Variants in PRKCA observed in about 807,000 individuals in gnomAD.
The protein encoded by PRKCA is protein kinase C alpha type.
Under a neutral mutation model 87.0 loss-of-function variants are expected in PRKCA, and 27 were observed. The observed-to-expected ratio is 0.31, with a 90% CI of 0.23 to 0.43. The LOEUF (loss-of-function observed/expected upper bound fraction) is 0.43. Ranked by LOEUF, PRKCA falls within the 20% of genes least tolerant of loss-of-function variation. PRKCA has a pLI of 1.00. For missense variants in PRKCA, 518 were observed against 852.3 expected, an observed-to-expected ratio of 0.61 and a Z score of 4.88; for synonymous variants, 329 against 311.1, an observed-to-expected ratio of 1.06 and a Z score of -0.61.
chr17:66,689,262 T>A lies in PRKCA; in HGVS notation c.918+215T>A, dbSNP rs1972715024. ...CTCTTACCACTTAGAAAATGGAAACTGGAAATATCGCAGAACTGAGAGCAT... is the reference window on the plus strand; with the variant it reads ...CTCTTACCACTTAGAAAATGGAAACAGGAAATATCGCAGAACTGAGAGCAT... On this transcript the variant is annotated intron_variant, in intron 8 of 16. Coordinates refer to ENST00000413366, the MANE Select transcript of PRKCA (RefSeq NM_002737.3). The surrounding 1 kb of genome is among the most constrained non-coding windows in gnomAD (Gnocchi z 4.1). 6.6e-6 allele frequency among the ~76,000 whole-genome samples: 1 copy of A among 152,188 alleles called. No individual in the cohort carries two copies. The highest frequency in any genetic ancestry group is 2.4e-5 in the African/African-American group (1 of 41,448).
At chr17:66,789,501 T>G (rs1372770658) in intron 16 of PRKCA, among the ~76,000 whole-genome samples, 2 of 152,188 alleles carry the variant, frequency 1.3e-5, no homozygotes, top group Non-Finnish European at 2.9e-5. Context: ...AGCCACCAAT[T>G]CTAATGTTGT....
At position 66,742,703 on chromosome 17, in the gene PRKCA, G is replaced by A. The variant is rs1377657903; in HGVS notation, c.1467G>A (p.Met489Ile). The change falls in exon 13 of 17, where the codon ATG becomes ATA. Residue 489 changes from methionine to isoleucine, a missense_variant. Physicochemically the swap from Met to Ile is conservative, Grantham distance 10. Transcript: ENST00000413366. ...ACTTTGGGATGTGCAAGGAACACAT[G>A]ATGGATGGAGTCACGACCAGGACCT... is the stretch of plus-strand genomic sequence containing the variant. Reference protein sequence around the residue: ...IADFGMCKEHMMDGVTTRTFC... With the variant: ...IADFGMCKEHIMDGVTTRTFC... The A allele has an allele frequency of 1.9e-6, 3 of 1,614,070 alleles. No individual in the cohort carries two copies. Among genetic ancestry groups the A allele is most frequent in the East Asian group, 2.2e-5 (1 of 44,900 alleles).
At chr17:66,618,746 C>T (rs1970585547) in intron 3 of PRKCA, among the ~76,000 whole-genome samples, 1 of 152,188 alleles carries the variant, frequency 6.6e-6, no homozygotes, top group South Asian at 2.1e-4. Context: ...TTCTGTACTA[C>T]ATGCCTACAT....
chr17:66,800,388 G>A (rs1366895922), intron 16 of PRKCA, among the ~76,000 whole-genome samples: 1 of 152,212 alleles, frequency 6.6e-6, no homozygotes, highest in Non-Finnish European at 1.5e-5. Context: ...CTCAGCACAG[G>A]CGGAGCACGA....
At chr17:66,775,671 C>T (rs1568026897) in intron 14 of PRKCA, 1 of 985,464 alleles carries the variant, frequency 1.0e-6, no homozygotes, top group Non-Finnish European at 1.2e-6. Context: ...GACAGAGCCA[C>T]CCCCAAAGAC....
At chr17:66,777,671 C>G in intron 14 of PRKCA, 3 of 985,368 alleles carry the variant, frequency 3.0e-6, no homozygotes, top group Non-Finnish European at 3.6e-6. Flanking sequence ...CTTGATCCCA[C>G]TTGAATGTTC....
At chr17:66,650,984 G>A (rs970546900) in intron 5 of PRKCA, among the ~76,000 whole-genome samples, 3 of 152,192 alleles carry the variant, frequency 2.0e-5, no homozygotes, top group African/African-American at 7.2e-5. Context: ...GTCTTTGGGG[G>A]AGAATTCAGG....
At chr17:66,781,883 ATATAGTGTGTGTGT>A (rs1568030704) in intron 14 of PRKCA, among the ~76,000 whole-genome samples, 44 of 129,362 alleles carry the variant, frequency 3.4e-4, no homozygotes, top group African/African-American at 1.4e-3. Flanking sequence ...ATATATATAT[ATATAGTGTGTGTGT>A]GTGTGTGTGT....
intron 2 of PRKCA, among the ~76,000 whole-genome samples, chr17:66,461,954 C>T (rs1231149640): frequency 6.7e-6 from 1 of 149,824 alleles, no homozygotes; most frequent in Non-Finnish European, 1.5e-5. Flanking sequence ...TCCTAACTAC[C>T]GAGCATGCTT....
chr17:66,781,887 A>ATATATATATATATATAGTGT (rs767300220), intron 14 of PRKCA, among the ~76,000 whole-genome samples: 29 of 125,530 alleles, frequency 2.3e-4, no homozygotes, highest in Non-Finnish European at 6.7e-5. Flanking sequence ...ATATATATAT[A>ATATATATATATATATAGTGT]GTGTGTGTGT....
chr17:66,395,358 A>T (rs927923539), intron 2 of PRKCA, among the ~76,000 whole-genome samples: 20 of 152,348 alleles, frequency 1.3e-4, no homozygotes, highest in African/African-American at 4.6e-4. Flanking sequence ...TGTAACTTAT[A>T]ACCGGTATGT....
intron 2 of PRKCA, among the ~76,000 whole-genome samples, chr17:66,355,816 T>G (rs952087733): frequency 1.3e-5 from 2 of 152,200 alleles, no homozygotes; most frequent in Admixed American, 1.3e-4. Flanking sequence ...AAATCATTGC[T>G]TAGGATAAAT....
At chr17:66,409,033 C>CAAAAAAAAAA (rs10661202) in intron 2 of PRKCA, among the ~76,000 whole-genome samples, 2 of 76,970 alleles carry the variant, frequency 2.6e-5, no homozygotes, top group Non-Finnish European at 4.6e-5. Context: ...TCCCCAGTCT[C>CAAAAAAAAAA]AAAAAAAAAA....
intron 2 of PRKCA, among the ~76,000 whole-genome samples, chr17:66,386,113 T>C (rs946300732): frequency 2.0e-5 from 3 of 152,248 alleles, no homozygotes; most frequent in Non-Finnish European, 2.9e-5. Context: ...ATTTTGCAGA[T>C]GTAACCGCTT....
At chr17:66,363,627 TC>T (rs1272641497) in intron 2 of PRKCA, among the ~76,000 whole-genome samples, 1 of 152,286 alleles carries the variant, frequency 6.6e-6, no homozygotes, top group Non-Finnish European at 1.5e-5. Flanking sequence ...TTAAGGGGCA[TC>T]TTCCATGTGC....
chr17:66,312,941 G>A (rs1263876459), intron 2 of PRKCA, among the ~76,000 whole-genome samples: 3 of 151,968 alleles, frequency 2.0e-5, no homozygotes, highest in Non-Finnish European at 2.9e-5. Context: ...GTGTCGCCAT[G>A]TTGGTCAGGC....
intron 3 of PRKCA, among the ~76,000 whole-genome samples, chr17:66,521,361 A>C (rs1967155140): frequency 6.6e-6 from 1 of 152,324 alleles, no homozygotes; most frequent in Admixed American, 6.5e-5. Context: ...ATAGTTTTTA[A>C]ACATGATTTC....
intron 8 of PRKCA, among the ~76,000 whole-genome samples, chr17:66,704,341 A>C (rs950145430): frequency 1.3e-5 from 2 of 152,216 alleles, no homozygotes; most frequent in African/African-American, 2.4e-5. Context: ...TTGTATCTTT[A>C]TTATAGCTTT....
At chr17:66,531,093 G>C (rs1267109506) in intron 3 of PRKCA, among the ~76,000 whole-genome samples, 1 of 152,156 alleles carries the variant, frequency 6.6e-6, no homozygotes, top group Non-Finnish European at 1.5e-5. Flanking sequence ...AACATTCTTT[G>C]CTCCATCGGT....
Sources: gnomAD v4.1 joint callset for allele counts (sites outside exome capture counted in the v4.1 genomes callset) on GRCh38, gnomAD v4.1.1 for gene constraint, Gnocchi (gnomAD v3.1) non-coding constraint, MANE v1.5 for transcripts, NCBI Gene and HGNC (gene_info 2026-07-23, HGNC 2026-07-21) for gene names.